The following PUDP variants were observed in gnomAD, a reference collection of about 807,000 sequenced individuals.
PUDP encodes the protein pseudouridine-5'-phosphatase.
PUDP carries 8 observed loss-of-function variants against 9.4 expected under a neutral mutation model. The ratio of observed to expected loss-of-function variants is 0.85; its 90% CI spans 0.50 to 1.53. The LOEUF is 1.53. Ranked by LOEUF, PUDP falls within the 40% of genes most tolerant of loss-of-function variation. PUDP has a pLI of 0.00. For missense variants in PUDP, 188 were observed against 189.7 expected, an observed-to-expected ratio of 0.99 and a Z score of 0.05; for synonymous variants, 99 against 80.7, an observed-to-expected ratio of 1.23 and a Z score of -1.22.
intron 2 of PUDP, among the ~76,000 whole-genome samples, chrX:7,083,857 C>T (rs1465151753): frequency 9.4e-6 from 1 of 106,540 alleles, no homozygotes; most frequent in Non-Finnish European, 1.9e-5. Flanking sequence ...GCCGAGATCA[C>T]ACCACTGCAC....
intron 3 of PUDP, among the ~76,000 whole-genome samples, chrX:6,860,291 T>C (rs1010658453): frequency 7.3e-5 from 8 of 110,087 alleles, no homozygotes. Context: ...CCCTATTTTT[T>C]CTCTTTATTA....
chrX:7,038,527 T>C (rs1929882073), intron 1 of PUDP, among the ~76,000 whole-genome samples: 1 of 110,287 alleles, frequency 9.1e-6, no homozygotes, highest in South Asian at 3.9e-4. Flanking sequence ...AGAAAGACAC[T>C]AGTTTTGATA....
intron 2 of PUDP, among the ~76,000 whole-genome samples, chrX:7,084,118 G>T (rs55991540): frequency 9.1e-6 from 1 of 110,482 alleles, no homozygotes; most frequent in East Asian, 2.9e-4. Flanking sequence ...CATCTTTGCG[G>T]GTGAAGACAT....
At chrX:7,088,959 A>G (rs1931345902) in intron 2 of PUDP, among the ~76,000 whole-genome samples, 1 of 112,113 alleles carries the variant, frequency 8.9e-6, no homozygotes, top group Admixed American at 9.4e-5. Flanking sequence ...CGGCTATACT[A>G]GGAATGAACA....
chrX:6,796,981 G>T (rs190797819), intron 3 of PUDP, among the ~76,000 whole-genome samples: 1 of 111,936 alleles, frequency 8.9e-6, no homozygotes, highest in African/African-American at 3.2e-5. Context: ...GAAACAATTT[G>T]AAGTCTACTG....
At chrX:6,821,519 C>T (rs914658753) in intron 3 of PUDP, among the ~76,000 whole-genome samples, 1 of 111,383 alleles carries the variant, frequency 9.0e-6, no homozygotes, top group Non-Finnish European at 1.9e-5. Context: ...TCCCCTCATC[C>T]TTCTCCTCCA....
chrX:7,101,996 G>GA (rs1477564450), intron 2 of PUDP, among the ~76,000 whole-genome samples: 1 of 111,124 alleles, frequency 9.0e-6, no homozygotes, highest in Admixed American at 9.5e-5. Flanking sequence ...TGAGAAGGGG[G>GA]AAAAAATGAA....
At chrX:6,825,108 T>G (rs897528780) in intron 3 of PUDP, among the ~76,000 whole-genome samples, 25 of 111,696 alleles carry the variant, frequency 2.2e-4, no homozygotes, top group Admixed American at 3.8e-4. Context: ...AGCAAGGGAT[T>G]CAGCCACGAG....
intron 3 of PUDP, among the ~76,000 whole-genome samples, chrX:6,799,258 AG>A (rs1925891824): frequency 1.8e-5 from 2 of 112,330 alleles, no homozygotes. Context: ...AAGGATTTAG[AG>A]GAAGTGTGGA....
chrX:6,836,624 C>G (rs1254473857), intron 3 of PUDP, among the ~76,000 whole-genome samples: 1 of 112,336 alleles, frequency 8.9e-6, no homozygotes, highest in African/African-American at 3.2e-5. Context: ...TCACATCTCC[C>G]TCTCACCACA....
At chrX:6,807,534 G>A (rs1926071241) in intron 3 of PUDP, among the ~76,000 whole-genome samples, 1 of 112,374 alleles carries the variant, frequency 8.9e-6, no homozygotes, top group Admixed American at 9.4e-5. Flanking sequence ...CTATCCAGGT[G>A]TCGCAATGGA....
At chrX:6,899,915 T>G (rs1470566928) in intron 3 of PUDP, among the ~76,000 whole-genome samples, 1 of 111,527 alleles carries the variant, frequency 9.0e-6, no homozygotes, top group East Asian at 2.8e-4. Context: ...GATATTAAAA[T>G]CTTAATATCT....
At chrX:6,742,331 G>C (rs1924950015) in intron 3 of PUDP, among the ~76,000 whole-genome samples, 1 of 112,675 alleles carries the variant, frequency 8.9e-6, no homozygotes, top group Non-Finnish European at 1.9e-5. Context: ...CTGTTTTTAT[G>C]AATACAGTTT....
At chrX:7,105,367 C>T in intron 2 of PUDP, among the ~76,000 whole-genome samples, 1 of 111,114 alleles carries the variant, frequency 9.0e-6, no homozygotes, top group Middle Eastern at 4.7e-3. Context: ...ATAAACAATA[C>T]TCAAATGTTT....
At chrX:7,019,413 C>A (rs1490721972) in intron 1 of PUDP, among the ~76,000 whole-genome samples, 1 of 111,634 alleles carries the variant, frequency 9.0e-6, no homozygotes, top group Non-Finnish European at 1.9e-5. Context: ...CAGGAGGAGC[C>A]CTGCAAAGCT....
chrX:6,888,032 AT>A (rs1180360209), intron 3 of PUDP, among the ~76,000 whole-genome samples: 1 of 111,866 alleles, frequency 8.9e-6, no homozygotes, highest in Non-Finnish European at 1.9e-5. Context: ...TCTGGAAAAC[AT>A]ACCTGTGGCC....
At chrX:6,936,621 G>A in intron 3 of PUDP, among the ~76,000 whole-genome samples, 2 of 17,898 alleles carry the variant, frequency 1.1e-4, no homozygotes, top group Middle Eastern at 0.016. Flanking sequence ...CATAGTGTTG[G>A]AAGTTCTGGC....
chrX:6,821,057 C>T (rs758425042), intron 3 of PUDP, among the ~76,000 whole-genome samples: 10 of 110,927 alleles, frequency 9.0e-5, no homozygotes, highest in Middle Eastern at 4.7e-3. Context: ...TCCCAAACCT[C>T]GATTCCTGAC....
chrX:6,775,737 G>C (rs1311532495), intron 3 of PUDP, among the ~76,000 whole-genome samples: 1 of 110,534 alleles, frequency 9.0e-6, no homozygotes, highest in Non-Finnish European at 1.9e-5. Context: ...CTTATGAATG[G>C]AATTAGTGTC....
Sources: gnomAD v4.1 joint callset for allele counts (sites outside exome capture counted in the v4.1 genomes callset) on GRCh38, gnomAD v4.1.1 for gene constraint, MANE v1.5 for transcripts, NCBI Gene and HGNC (gene_info 2026-07-23, HGNC 2026-07-21) for gene names.